The following TDRD3 variants were observed in gnomAD, a reference collection of about 807,000 sequenced individuals.
TDRD3 encodes the protein tudor domain-containing protein 3.
TDRD3 carries 45 observed loss-of-function variants against 86.7 expected under a neutral mutation model. That is an observed-to-expected ratio of 0.52 (90% CI 0.41 to 0.67). The LOEUF (loss-of-function observed/expected upper bound fraction) is 0.67. TDRD3 is among the 30% of genes least tolerant of loss of function. The probability of loss-of-function intolerance (pLI) is 0.00; values close to 1 mark genes in which losing one functional copy is unlikely to be tolerated. For missense variants in TDRD3, 814 were observed against 889.0 expected (o/e 0.92, Z 1.07); for synonymous variants, 298 against 301.7 (o/e 0.99, Z 0.13).
intron 3 of TDRD3, among the ~76,000 whole-genome samples, chr13:60,456,189 T>C (rs1481782756): frequency 6.6e-6 from 1 of 152,204 alleles, no homozygotes; most frequent in African/African-American, 2.4e-5. Flanking sequence ...GTGATTATAC[T>C]GTAGAGAATT....
intron 12 of TDRD3, among the ~76,000 whole-genome samples, chr13:60,552,416 A>G (rs1958082790): frequency 6.6e-6 from 1 of 152,202 alleles, no homozygotes; most frequent in Admixed American, 6.5e-5. Context: ...GTAGGCTCCT[A>G]AGGCCTTGAG....
At chr13:60,475,789 T>G (rs1956172726) in intron 5 of TDRD3, among the ~76,000 whole-genome samples, 1 of 152,358 alleles carries the variant, frequency 6.6e-6, no homozygotes, top group South Asian at 2.1e-4. Flanking sequence ...TCTCTAATGA[T>G]TAGTGATAAT....
At chr13:60,397,509 G>C (rs976073866) in intron 1 of TDRD3, 104 bp downstream of exon 1, 32 of 995,304 alleles carry the variant, frequency 3.2e-5, no homozygotes, top group Admixed American at 1.6e-4. Context: ...GGCGGAGGCT[G>C]TCGTCCGCCC....
chr13:60,522,853 G>T (rs1957319696), intron 10 of TDRD3, among the ~76,000 whole-genome samples: 1 of 152,150 alleles, frequency 6.6e-6, no homozygotes. Flanking sequence ...TGATAAAATT[G>T]AAGGTAACAT....
In TDRD3 at chr13:60,460,462, C is replaced by T; in HGVS notation, c.275C>T (p.Pro92Leu). ...GATAATGAAGAATCTCAGGCTGCACCAAGGATGCTGCGATTACAGATGACT... is the reference window on the plus strand; with the variant it reads ...GATAATGAAGAATCTCAGGCTGCACTAAGGATGCTGCGATTACAGATGACT... ...PKDNEESQAA[P>L]RMLRLQMTDG... The change falls in exon 4 of 14, where the codon CCA becomes CTA. Residue 92 changes from proline to leucine, a missense_variant. Physicochemically the swap from Pro to Leu is moderately conservative, Grantham distance 98. Transcript: ENST00000377881. The T allele has an allele frequency of 6.3e-7, 1 of 1,597,406 alleles. No individual in the cohort carries two copies.
At chr13:60,494,606 A>G in intron 8 of TDRD3, 31 bp downstream of exon 8, 1 of 1,595,386 alleles carries the variant, frequency 6.3e-7, no homozygotes, top group Non-Finnish European at 8.5e-7. Flanking sequence ...ACAAATTTAA[A>G]GTGTTATTTC....
chr13:60,507,082 A>T (rs1412440462), intron 8 of TDRD3, among the ~76,000 whole-genome samples: 1 of 152,220 alleles, frequency 6.6e-6, no homozygotes, highest in African/African-American at 2.4e-5. Flanking sequence ...CAGGCTTTAA[A>T]CTAACAAAGA....
chr13:60,568,590 C>T (rs886167845), intron 13 of TDRD3, among the ~76,000 whole-genome samples: 3 of 152,170 alleles, frequency 2.0e-5, no homozygotes, highest in African/African-American at 4.8e-5. Context: ...TGAGAATTCT[C>T]TCTTAGCTTT....
rs138809450 is a variant in TDRD3, at chr13:60,473,532, T to C, written c.495+6153T>C. Among the ~76,000 whole-genome samples the C allele has an allele frequency of 4.8e-4, 73 of 152,330 alleles. No homozygotes were observed. The East Asian group carries it at 0.014, about 28-fold the overall frequency. On this transcript the variant is annotated intron_variant, in intron 5 of 13. Coordinates refer to ENST00000377881, the MANE Select transcript of TDRD3 (RefSeq NM_001146070.2). ...AACTGTTCCAGCATAATAAAACATA[T>C]AGAATAAGAATAGTTATACTAGAAA...
At chr13:60,428,329 C>T (rs1208932153) in intron 1 of TDRD3, among the ~76,000 whole-genome samples, 1 of 151,674 alleles carries the variant, frequency 6.6e-6, no homozygotes, top group Non-Finnish European at 1.5e-5. Flanking sequence ...GGCATTAGGA[C>T]ATAAGCATAT....
intron 5 of TDRD3, among the ~76,000 whole-genome samples, chr13:60,477,058 T>G (rs1956200547): frequency 6.6e-6 from 1 of 152,062 alleles, no homozygotes; most frequent in South Asian, 2.1e-4. Context: ...TCTTGCATAA[T>G]TCCTCTGGCA....
intron 5 of TDRD3, among the ~76,000 whole-genome samples, chr13:60,477,989 A>G (rs1392205124): frequency 6.6e-6 from 1 of 152,102 alleles, no homozygotes; most frequent in African/African-American, 2.4e-5. Context: ...TTGGCTGTGA[A>G]TGTATCTGGT....
At chr13:60,463,103 C>T (rs947781553) in intron 4 of TDRD3, among the ~76,000 whole-genome samples, 6 of 152,072 alleles carry the variant, frequency 3.9e-5, no homozygotes, top group Non-Finnish European at 7.4e-5. Flanking sequence ...ATACAAAAAT[C>T]AACCTAAATG....
chr13:60,408,952 C>G (rs923840910), intron 1 of TDRD3, among the ~76,000 whole-genome samples: 4 of 152,134 alleles, frequency 2.6e-5, no homozygotes, highest in African/African-American at 9.7e-5. Context: ...GCCTGGAGGT[C>G]CAGGAGGAAA....
intron 8 of TDRD3, among the ~76,000 whole-genome samples, chr13:60,506,495 C>A (rs1216163075): frequency 6.6e-6 from 1 of 152,132 alleles, no homozygotes; most frequent in Non-Finnish European, 1.5e-5. Flanking sequence ...CCTGTAATCC[C>A]AGCACTTTTG....
chr13:60,422,842 G>A (rs1954696892), intron 1 of TDRD3, among the ~76,000 whole-genome samples: 1 of 151,994 alleles, frequency 6.6e-6, no homozygotes, highest in African/African-American at 2.4e-5. Flanking sequence ...TTTTATTTGA[G>A]TCCCTAAGGG....
At chr13:60,423,979 C>G (rs141984369) in intron 1 of TDRD3, among the ~76,000 whole-genome samples, 6,774 of 151,988 alleles carry the variant, frequency 0.045, 208 homozygotes, top group Non-Finnish European at 0.064. Context: ...AAGCCAAAAT[C>G]CTGATGTTTT....
At chr13:60,544,163 G>C (rs1438625769) in intron 12 of TDRD3, among the ~76,000 whole-genome samples, 2 of 151,738 alleles carry the variant, frequency 1.3e-5, no homozygotes, top group Non-Finnish European at 2.9e-5. Flanking sequence ...CAAAAAAAGT[G>C]TTGGGTTGGG....
chr13:60,438,391 A>G (rs1264077662), intron 1 of TDRD3, among the ~76,000 whole-genome samples: 3 of 152,080 alleles, frequency 2.0e-5, no homozygotes, highest in Non-Finnish European at 4.4e-5. Flanking sequence ...ACTCATCGAT[A>G]TATTTGTATT....
Sources: allele counts gnomAD v4.1 joint callset (sites outside exome capture counted in the v4.1 genomes callset), GRCh38; gene constraint gnomAD v4.1.1; transcripts MANE v1.5; gene names NCBI Gene and HGNC (gene_info 2026-07-23, HGNC 2026-07-21).